RNF138: variants seen among roughly 807,000 people sequenced by gnomAD.
The protein encoded by RNF138 is ring finger protein 138.
In RNF138, 12 loss-of-function variants were observed where a neutral mutation model predicts 31.0. The ratio of observed to expected loss-of-function variants is 0.39; its 90% CI spans 0.25 to 0.63. RNF138 has a LOEUF of 0.63. RNF138 is among the 20% of genes least tolerant of loss of function. The pLI, the probability that RNF138 is intolerant of heterozygous loss-of-function variation, is 0.52. For missense variants in RNF138, 192 were observed against 300.1 expected, an observed-to-expected ratio of 0.64 and a Z score of 2.66; for synonymous variants, 105 against 99.5, an observed-to-expected ratio of 1.06 and a Z score of -0.33.
chr18:32,125,065 G>C (rs2040363420), intron 6 of RNF138: 1 of 466,344 alleles, frequency 2.1e-6, no homozygotes, highest in Non-Finnish European at 3.9e-6. Flanking sequence ...CATAGTGTGA[G>C]GTAATATAGC....
At chr18:32,111,731 A>G (rs1458688116) in intron 2 of RNF138, 23 bp from the exon 3 acceptor site, 2 of 1,590,500 alleles carry the variant, frequency 1.3e-6, no homozygotes, top group Middle Eastern at 2.1e-4. Flanking sequence ...TTTGTAATTA[A>G]TGTGTCACAA....
intron 2 of RNF138, among the ~76,000 whole-genome samples, chr18:32,097,154 T>TTTTA (rs1216828608): frequency 2.0e-5 from 3 of 152,222 alleles, no homozygotes; most frequent in African/African-American, 7.2e-5. Flanking sequence ...TCTTTTGGTG[T>TTTTA]TTTATTCTGT....
chr18:32,119,229 C>T (rs2144267339), intron 4 of RNF138, among the ~76,000 whole-genome samples: 1 of 152,172 alleles, frequency 6.6e-6, no homozygotes, highest in Non-Finnish European at 1.5e-5. Flanking sequence ...AGGAGGTGAT[C>T]CATTGTTCAT....
chr18:32,129,676 A>C lies in RNF138; in HGVS notation c.*489A>C, dbSNP rs1350522200. ...AATCCAAAGGAAATTTTTTAAATGC[A>C]GGTTCTAGCTGAAAAATTCAACTAT... On this transcript the variant is annotated 3_prime_UTR_variant, in exon 8 of 8. Coordinates refer to ENST00000261593, the MANE Select transcript of RNF138 (RefSeq NM_016271.5). 1 of 152,680 alleles carries C rather than the reference A, an allele frequency of 6.5e-6. No individual in the cohort carries two copies. Among genetic ancestry groups the C allele is most frequent in the African/African-American group, 2.4e-5 (1 of 41,470 alleles). The allele number at this position is 152,680 out of a possible 1,614,324, so 9.5% of individuals were successfully genotyped here.
chr18:32,093,183 C>T (rs890065044), intron 2 of RNF138, among the ~76,000 whole-genome samples: 9 of 151,806 alleles, frequency 5.9e-5, no homozygotes, highest in Non-Finnish European at 1.3e-4. Flanking sequence ...GTGGCCAGGC[C>T]GTTCCCTGCG....
chr18:32,125,733 A>G (rs2040373419), intron 6 of RNF138, among the ~76,000 whole-genome samples: 1 of 152,030 alleles, frequency 6.6e-6, no homozygotes, highest in Non-Finnish European at 1.5e-5. Flanking sequence ...GGAGTTCGAG[A>G]CTAGCCTGGG....
At chr18:32,096,741 G>GT (rs921962616) in intron 2 of RNF138, among the ~76,000 whole-genome samples, 19 of 151,866 alleles carry the variant, frequency 1.3e-4, no homozygotes, top group Middle Eastern at 3.4e-3. Context: ...TTTTGTTTTT[G>GT]TTTTTTTTGA....
At chr18:32,118,000 T>G (rs1369750636) in intron 4 of RNF138, among the ~76,000 whole-genome samples, 1 of 152,238 alleles carries the variant, frequency 6.6e-6, no homozygotes, top group Non-Finnish European at 1.5e-5. Flanking sequence ...CAGGCTGTTC[T>G]TACTAATCTT....
intron 6 of RNF138, among the ~76,000 whole-genome samples, chr18:32,125,509 C>T (rs2040369623): frequency 1.3e-5 from 2 of 152,114 alleles, no homozygotes; most frequent in Non-Finnish European, 2.9e-5. Context: ...AGAGATTTCC[C>T]TTTCAGCTGA....
chr18:32,092,693 C>A lies in RNF138; in HGVS notation c.-77-7C>A. 1.3e-6 allele frequency: 1 copy of A among 782,644 alleles called. No homozygotes were observed. Among genetic ancestry groups the A allele is most frequent in the Non-Finnish European group, 2.2e-6 (1 of 462,646 alleles). 48.5% of individuals were successfully genotyped at this position (782,644 alleles called of 1,614,324 possible). ...GCGATCCCCCTCCCCCCTCCGGGTTCATGTAGGGAGTCGGGCCCCGGGCCG... is the reference window on the plus strand; with the variant it reads ...GCGATCCCCCTCCCCCCTCCGGGTTAATGTAGGGAGTCGGGCCCCGGGCCG... On this transcript the variant is annotated splice_region_variant and splice_polypyrimidine_tract_variant and intron_variant, in intron 1 of 7. Transcript: ENST00000261593.
At chr18:32,115,010 A>G (rs1025622803) in intron 4 of RNF138, among the ~76,000 whole-genome samples, 26 of 146,560 alleles carry the variant, frequency 1.8e-4, no homozygotes, top group African/African-American at 6.6e-4. Flanking sequence ...TGTTGCTCTT[A>G]TAGTTTTTTT....
At chr18:32,111,035 G>A (rs1259774086) in intron 2 of RNF138, among the ~76,000 whole-genome samples, 3 of 152,146 alleles carry the variant, frequency 2.0e-5, no homozygotes, top group South Asian at 2.1e-4. Context: ...CTGCTTCAGC[G>A]TCCCAAAGTG....
Position 32,131,122 on chromosome 18 carries a change from T to A in RNF138, c.*1935T>A, listed in dbSNP as rs2040470287. 1.3e-5 allele frequency: 2 copies of A among 152,564 alleles called. No individual in the cohort carries two copies. Among genetic ancestry groups the A allele is most frequent in the Non-Finnish European group, 2.9e-5 (2 of 67,914 alleles). 9.5% of individuals were successfully genotyped at this position (152,564 alleles called of 1,614,324 possible). ...TTAAACCATTCTGGGATTTGGGAAC[T>A]TCTTTAAAGGAAAATTGTAGTAGAG... On this transcript the variant is annotated 3_prime_UTR_variant, in exon 8 of 8. Transcript: ENST00000261593.
chr18:32,125,337 A>C (rs921826880), intron 6 of RNF138: 1 of 152,644 alleles, frequency 6.6e-6, no homozygotes, highest in African/African-American at 2.4e-5. Context: ...TGATGCCTAC[A>C]TATTTTTTGA....
intron 3 of RNF138, 39 bp downstream of exon 3, chr18:32,111,958 G>T: frequency 4.1e-6 from 6 of 1,455,196 alleles, no homozygotes; most frequent in South Asian, 2.7e-5. Context: ...TGGAAGCCAA[G>T]TTTCTACTCT....
At chr18:32,092,493 C>G (rs2039710258) in intron 1 of RNF138, 1 of 416,150 alleles carries the variant, frequency 2.4e-6, no homozygotes. Context: ...GGGGCGGGCC[C>G]ACGGCATGCT....
At chr18:32,104,746 T>C (rs1598850321) in intron 2 of RNF138, among the ~76,000 whole-genome samples, 1 of 152,284 alleles carries the variant, frequency 6.6e-6, no homozygotes. Flanking sequence ...TACAAAACTT[T>C]ATTGAAAAGT....
rs950226556 is a variant in RNF138 at position 32,092,682 on chromosome 18, C to A, written c.-77-18C>A. On this transcript the variant is annotated intron_variant, in intron 1 of 7. Coordinates refer to ENST00000261593, the MANE Select transcript of RNF138 (RefSeq NM_016271.5). The stretch of plus-strand genomic sequence containing the variant: ...TGTATCCTGATGCGATCCCCCTCCC[C>A]CCTCCGGGTTCATGTAGGGAGTCGG... 2.7e-6 allele frequency: 2 copies of A among 730,946 alleles called. No individual in the cohort carries two copies. Among genetic ancestry groups the A allele is most frequent in the Non-Finnish European group, 4.8e-6 (2 of 415,872 alleles). The allele number at this position is 730,946 out of a possible 1,614,324, so 45.3% of individuals were successfully genotyped here.
chr18:32,105,550 A>G (rs2040014900), intron 2 of RNF138, among the ~76,000 whole-genome samples: 1 of 152,238 alleles, frequency 6.6e-6, no homozygotes, highest in Non-Finnish European at 1.5e-5. Flanking sequence ...TATTTGGGCA[A>G]TAGCTTTATA....
Sources: gnomAD v4.1 joint callset for allele counts (sites outside exome capture counted in the v4.1 genomes callset) on GRCh38, gnomAD v4.1.1 for gene constraint, MANE v1.5 for transcripts, NCBI Gene and HGNC (gene_info 2026-07-23, HGNC 2026-07-21) for gene names.